The following GYS2 variants were observed in gnomAD, a reference collection of about 807,000 sequenced individuals.
GYS2 encodes glycogen synthase 2.
A neutral mutation model predicts 85.6 loss-of-function variants in GYS2; 80 were observed. The observed-to-expected ratio is 0.93, with a 90% CI of 0.78 to 1.13. GYS2 has a LOEUF of 1.13. Ranked by LOEUF, GYS2 falls within the 50% of genes most tolerant of loss-of-function variation. The probability of loss-of-function intolerance (pLI) is 0.00; values close to 1 mark genes in which losing one functional copy is unlikely to be tolerated. For missense variants in GYS2, 881 were observed against 854.9 expected, an observed-to-expected ratio of 1.03 and a Z score of -0.38; for synonymous variants, 328 against 300.7, an observed-to-expected ratio of 1.09 and a Z score of -0.94.
At chr12:21,589,101 T>C (rs1212815298) in intron 1 of GYS2, among the ~76,000 whole-genome samples, 1 of 152,224 alleles carries the variant, frequency 6.6e-6, no homozygotes, top group Admixed American at 6.5e-5. Context: ...ACATTTTTTA[T>C]CCTTGAAAAC....
At position 21,536,176 on chromosome 12, in the gene GYS2, T is replaced by A. The variant is rs1365665074; in HGVS notation, c.*778A>T. On this transcript the variant is annotated 3_prime_UTR_variant, in exon 16 of 16. Coordinates refer to ENST00000261195, the MANE Select transcript of GYS2 (RefSeq NM_021957.4). ...TTATCATCTATGAAGAAACAAGGCATTACCAGTGAAAGTTAAGTTATTAAA... is the reference window on the plus strand; with the variant it reads ...TTATCATCTATGAAGAAACAAGGCAATACCAGTGAAAGTTAAGTTATTAAA... 6.6e-6 allele frequency: 1 copy of A among 152,222 alleles called. No individual in the cohort carries two copies. The highest frequency in any genetic ancestry group is 1.5e-5 in the Non-Finnish European group (1 of 68,036). The allele number at this position is 152,222 out of a possible 1,614,324, so 9.4% of individuals were successfully genotyped here. A position where few individuals can be genotyped will look rare whatever the true frequency, so the allele number is the denominator to read the frequency against.
intron 1 of GYS2, among the ~76,000 whole-genome samples, chr12:21,586,804 C>T (rs995309043): frequency 6.6e-6 from 1 of 152,114 alleles, no homozygotes; most frequent in Non-Finnish European, 1.5e-5. Context: ...ACCATTCAAT[C>T]CTGCAATCCC....
chr12:21,571,627 G>A (rs1220464450), intron 4 of GYS2, among the ~76,000 whole-genome samples: 1 of 151,908 alleles, frequency 6.6e-6, no homozygotes, highest in African/African-American at 2.4e-5. Flanking sequence ...AATCCCAAAC[G>A]GCACTGTCCT....
At position 21,558,205 on chromosome 12, in the gene GYS2, C is replaced by A; in HGVS notation, c.1417G>T (p.Val473Phe). The A allele has an allele frequency of 6.3e-7, 1 of 1,583,682 alleles. No homozygotes were observed. ...IGLFNNRTDR[V>F]KVILHPEFLS... ...ACATGAACAATTTGTTCTACCTTGACTCTATCTGTGCGGTTGTTGAAAAGT... is the reference window on the plus strand; with the variant it reads ...ACATGAACAATTTGTTCTACCTTGAATCTATCTGTGCGGTTGTTGAAAAGT... Residue 473 changes from valine to phenylalanine, a missense_variant, in exon 11 of 16, where the codon GTC becomes TTC. Physicochemically the swap from Val to Phe is conservative, Grantham distance 50. Coordinates refer to ENST00000261195, the MANE Select transcript of GYS2 (RefSeq NM_021957.4).
intron 11 of GYS2, among the ~76,000 whole-genome samples, chr12:21,554,426 C>T (rs775816408): frequency 5.9e-5 from 9 of 152,148 alleles, no homozygotes; most frequent in Non-Finnish European, 1.3e-4. Flanking sequence ...CTTCACAGGG[C>T]TTTCTCTAAT....
chr12:21,592,240 AC>A (rs1195462085), intron 1 of GYS2, among the ~76,000 whole-genome samples: 2 of 152,030 alleles, frequency 1.3e-5, no homozygotes, highest in Admixed American at 6.6e-5. Context: ...TAAAAAAAAA[AC>A]AAAACAACCA....
chr12:21,533,190 A>G (rs1943881271), downstream of GYS2, among the ~76,000 whole-genome samples: 2 of 152,068 alleles, frequency 1.3e-5, no homozygotes, highest in Admixed American at 1.3e-4. Context: ...TTTTGCCTCT[A>G]TAGCCTACCT....
chr12:21,600,243 C>T (rs1944740809), intron 1 of GYS2, among the ~76,000 whole-genome samples: 1 of 152,152 alleles, frequency 6.6e-6, no homozygotes, highest in South Asian at 2.1e-4. Context: ...CTGCTTTAGC[C>T]TCTCAGGTAG....
Position 21,541,283 on chromosome 12 carries a change from AAAAAAAAAC to A in GYS2, c.1646-719_1646-711del, listed in dbSNP as rs1222967513. 9.0e-5 allele frequency among the ~76,000 whole-genome samples: 13 copies of A among 144,544 alleles called. 1 individual carries two copies. The highest frequency in any genetic ancestry group is 2.4e-4 in the African/African-American group (9 of 38,102). 94.8% of individuals were successfully genotyped at this position (144,544 alleles called of 152,430 possible). ...ACCATGTTTCCAAAAAAAAAAAAAAAAAAAAAAACAAAAAACCCAGGGAAATGGCAATGT... is the reference window on the plus strand; with the variant it reads ...ACCATGTTTCCAAAAAAAAAAAAAAAAAAAAACCCAGGGAAATGGCAATGT... On this transcript the variant is annotated intron_variant, in intron 13 of 15. Coordinates refer to ENST00000261195, the MANE Select transcript of GYS2 (RefSeq NM_021957.4).
At chr12:21,566,064 A>G (rs1004291659) in intron 5 of GYS2, among the ~76,000 whole-genome samples, 4 of 152,176 alleles carry the variant, frequency 2.6e-5, no homozygotes, top group African/African-American at 9.7e-5. Flanking sequence ...CTTCTCTCCA[A>G]TATTTTTAAG....
chr12:21,549,068 G>C lies in GYS2; in HGVS notation c.1423-2598C>G, dbSNP rs576582662. Reference sequence around the variant, plus strand: ...TTCAGGTTTAGCCTTAAAATGTGTTGTACCTGTAGCCATTACAATGTGAGT... The same window carrying C: ...TTCAGGTTTAGCCTTAAAATGTGTTCTACCTGTAGCCATTACAATGTGAGT... On this transcript the variant is annotated intron_variant, in intron 11 of 15. Coordinates refer to ENST00000261195, the MANE Select transcript of GYS2 (RefSeq NM_021957.4). 2.6e-5 allele frequency among the ~76,000 whole-genome samples: 4 copies of C among 151,642 alleles called. No homozygotes were observed. The East Asian group carries it at 7.7e-4, about 29-fold the overall frequency.
At chr12:21,599,349 T>C (rs953698275) in intron 1 of GYS2, among the ~76,000 whole-genome samples, 7 of 152,166 alleles carry the variant, frequency 4.6e-5, no homozygotes, top group African/African-American at 1.7e-4. Context: ...AGGTGCTACT[T>C]GTGACAAAGG....
intron 4 of GYS2, among the ~76,000 whole-genome samples, chr12:21,571,744 C>T (rs1387973885): frequency 1.3e-5 from 2 of 152,020 alleles, no homozygotes; most frequent in South Asian, 2.1e-4. Context: ...GGGCGGATGA[C>T]GAGCTCAGGA....
chr12:21,550,353 C>CACACACACACA (rs1555154859), intron 11 of GYS2, among the ~76,000 whole-genome samples: 1 of 120,060 alleles, frequency 8.3e-6, no homozygotes, highest in Non-Finnish European at 1.8e-5. Context: ...ACACACACAC[C>CACACACACACA]CCTGGTTTTT....
intron 1 of GYS2, among the ~76,000 whole-genome samples, chr12:21,601,205 T>C (rs1210430246): frequency 6.6e-6 from 1 of 152,020 alleles, no homozygotes; most frequent in Non-Finnish European, 1.5e-5. Flanking sequence ...CCCCCACATT[T>C]GGGCAAAACT....
intron 4 of GYS2, among the ~76,000 whole-genome samples, chr12:21,572,779 AT>A (rs1944401483): frequency 6.6e-6 from 1 of 152,216 alleles, no homozygotes; most frequent in South Asian, 2.1e-4. Flanking sequence ...CCAAAGAAAA[AT>A]ATCCTATGTA....
Position 21,562,913 on chromosome 12 carries a change from C to CGTAA in GYS2, c.1062+4_1062+5insTTAC, listed in dbSNP as rs1473476754. On this transcript the variant is annotated splice_donor_region_variant and intron_variant, in intron 7 of 15. Transcript: ENST00000261195. ...GTGTTATACCATGTCCTAGAGCTTT[C>CGTAA]TTACCCTCAGCAGGAAATTTAGCCT... is the stretch of plus-strand genomic sequence containing the variant. The CGTAA allele has an allele frequency of 6.2e-7, 1 of 1,612,392 alleles. No homozygotes were observed. The highest frequency in any genetic ancestry group is 2.2e-5 in the East Asian group (1 of 44,810).
downstream of GYS2, among the ~76,000 whole-genome samples, chr12:21,533,422 C>T (rs994178060): frequency 6.6e-6 from 1 of 152,064 alleles, no homozygotes; most frequent in African/African-American, 2.4e-5. Flanking sequence ...TTATCTTGAC[C>T]ACAAAGAAAG....
intron 15 of GYS2, among the ~76,000 whole-genome samples, chr12:21,538,074 C>G (rs546593751): frequency 6.6e-6 from 1 of 151,982 alleles, no homozygotes; most frequent in Non-Finnish European, 1.5e-5. Context: ...GCTTATTAGA[C>G]GTAATAACTG....
Sources: allele counts gnomAD v4.1 joint callset (sites outside exome capture counted in the v4.1 genomes callset), GRCh38; gene constraint gnomAD v4.1.1; transcripts MANE v1.5; gene names NCBI Gene and HGNC (gene_info 2026-07-23, HGNC 2026-07-21).